MAST1: variants seen among roughly 807,000 people sequenced by gnomAD.
The protein encoded by MAST1 is microtubule-associated serine/threonine-protein kinase 1.
MAST1 carries 40 observed loss-of-function variants against 124.6 expected under a neutral mutation model. That is an observed-to-expected ratio of 0.32 (90% CI 0.25 to 0.42). MAST1 has a LOEUF of 0.42. Among genes scored for constraint, MAST1 ranks in the 10% least tolerant of loss-of-function variants. MAST1 has a pLI of 1.00. For missense variants in MAST1, 1,558 were observed against 2,181.9 expected, an observed-to-expected ratio of 0.71 and a Z score of 5.70; for synonymous variants, 938 against 939.4, an observed-to-expected ratio of 1.00 and a Z score of 0.03.
Position 12,847,448 on chromosome 19 carries a change from C to T in MAST1, c.486C>T (p.Leu162=), listed in dbSNP as rs762214981. ...CCGTGCGGCCCCGCTCACGGAGCCT[C>T]AGGTGGGCAGGCATCCCTCCTCCTT... ...SPAVRPRSRS[L]SPGRSPSSYD... is the part of the protein sequence containing the mutation. The change falls in exon 5 of 26, where the codon CTC becomes CTT. Residue 162 remains leucine (L), a splice_region_variant and synonymous_variant. Transcript: ENST00000251472. This position sits in a 1 kb window ranked among gnomAD's most constrained non-coding sequence, Gnocchi z 5.5. 1.2e-6 allele frequency: 2 copies of T among 1,613,622 alleles called. No individual in the cohort carries two copies. Among genetic ancestry groups the T allele is most frequent in the Non-Finnish European group, 1.7e-6 (2 of 1,179,886 alleles).
intron 20 of MAST1, 64 bp downstream of exon 20, chr19:12,868,041 C>A: frequency 6.8e-7 from 1 of 1,473,822 alleles, no homozygotes; most frequent in Non-Finnish European, 9.0e-7. Context: ...ATATAGTGAG[C>A]ATCCCACGAG....
rs538057608 is a variant in MAST1 at position 12,843,815 on chromosome 19, A to G, written c.327+208A>G. ...TAGGAGTTCAAGACCAGTCTGGGCA[A>G]CATAGGGAGACCCTTGTCCCTACAA... On this transcript the variant is annotated intron_variant, in intron 4 of 25. Coordinates refer to ENST00000251472, the MANE Select transcript of MAST1 (RefSeq NM_014975.3). This position sits in a 1 kb window ranked among gnomAD's most constrained non-coding sequence, Gnocchi z 4.9. Among the ~76,000 whole-genome samples the G allele has an allele frequency of 2.0e-5, 3 of 152,266 alleles. No homozygotes were observed. In the East Asian group the frequency reaches 5.8e-4, roughly 29 times the overall value.
rs1424468629 is a variant in MAST1, at chr19:12,865,952, G to T, written c.1907-28G>T. 1 of 1,613,080 alleles carries T rather than the reference G, an allele frequency of 6.2e-7. No individual in the cohort carries two copies. The highest frequency in any genetic ancestry group is 2.2e-5 in the East Asian group (1 of 44,808). On this transcript the variant is annotated intron_variant, in intron 16 of 25. Coordinates refer to ENST00000251472, the MANE Select transcript of MAST1 (RefSeq NM_014975.3). This position sits in a 1 kb window ranked among gnomAD's most constrained non-coding sequence, Gnocchi z 7.1. ...GGCTGGGCTGCTGGGTTGGCCATCA[G>T]CTGTGGCTGGAATCCCTTCCGTCCC...
At position 12,847,627 on chromosome 19, in the gene MAST1, C is replaced by T. The variant is rs1038034526; in HGVS notation, c.504C>T (p.Pro168=). The T allele has an allele frequency of 1.4e-5, 23 of 1,614,064 alleles. No homozygotes were observed. The highest frequency in any genetic ancestry group is 1.9e-5 in the Non-Finnish European group (23 of 1,180,020). ...RSRSLSPGRS[P]SSYDNEIVMM... The stretch of plus-strand genomic sequence containing the variant: ...CTCCCCGCAGCCCCGGGCGCTCCCC[C>T]TCCTCCTACGACAACGAGATCGTGA... Residue 168 remains proline (P), a synonymous_variant, in exon 6 of 26, where the codon CCC becomes CCT. Transcript: ENST00000251472. The surrounding 1 kb of genome is among the most constrained non-coding windows in gnomAD (Gnocchi z 5.5).
At chr19:12,845,519 G>C (rs1464955563) in intron 4 of MAST1, among the ~76,000 whole-genome samples, 2 of 151,734 alleles carry the variant, frequency 1.3e-5, no homozygotes, top group Non-Finnish European at 2.9e-5. Context: ...AGGAGGTGGG[G>C]GTTGCAGTGA....
chr19:12,850,899 G>T (rs1969951271), intron 7 of MAST1, among the ~76,000 whole-genome samples: 1 of 150,986 alleles, frequency 6.6e-6, no homozygotes, highest in Non-Finnish European at 1.5e-5. Context: ...TAGATTTTTG[G>T]CATTAATTTT....
Position 12,865,217 on chromosome 19 carries a change from A to C in MAST1, c.1638+39A>C. The C allele has an allele frequency of 6.2e-7, 1 of 1,601,580 alleles. No homozygotes were observed. The highest frequency in any genetic ancestry group is 8.5e-7 in the Non-Finnish European group (1 of 1,172,666). On this transcript the variant is annotated intron_variant, in intron 14 of 25. Transcript: ENST00000251472. The surrounding 1 kb of genome is among the most constrained non-coding windows in gnomAD (Gnocchi z 7.1). Reference sequence around the variant, plus strand: ...CATGGGGGTCGCTGAGGGTGGAGTGACCCTGCAGGACCTCGGGAACCCAGG... The same window carrying C: ...CATGGGGGTCGCTGAGGGTGGAGTGCCCCTGCAGGACCTCGGGAACCCAGG...
chr19:12,847,194 C>G lies in MAST1; in HGVS notation c.328-96C>G. The G allele has an allele frequency of 1.3e-6, 1 of 773,006 alleles. No homozygotes were observed. The highest frequency in any genetic ancestry group is 2.5e-5 in the East Asian group (1 of 40,660). 47.9% of individuals were successfully genotyped at this position (773,006 alleles called of 1,614,324 possible). A position where few individuals can be genotyped will look rare whatever the true frequency, so the allele number is the denominator to read the frequency against. On this transcript the variant is annotated intron_variant, in intron 4 of 25. Coordinates refer to ENST00000251472, the MANE Select transcript of MAST1 (RefSeq NM_014975.3). The surrounding 1 kb of genome is among the most constrained non-coding windows in gnomAD (Gnocchi z 5.5). Reference sequence around the variant, plus strand: ...AATCAGGTCCTGATCCTGGCCTTGCCCAGTGACCCCATCGGCTTTGGGAGT... The same window carrying G: ...AATCAGGTCCTGATCCTGGCCTTGCGCAGTGACCCCATCGGCTTTGGGAGT...
Position 12,843,553 on chromosome 19 carries a change from G to C in MAST1, c.273G>C (p.Leu91=). The part of the protein sequence containing the change: ...SRRADGRRWS[L]ASLPSSGYGT... ...GGGCGGACGGACGCCGGTGGTCTCT[G>C]GCCTCGCTCCCTTCATCTGGCTATG... The change falls in exon 4 of 26, where the codon CTG becomes CTC. Residue 91 remains leucine (L), a synonymous_variant. Coordinates refer to ENST00000251472, the MANE Select transcript of MAST1 (RefSeq NM_014975.3). The surrounding 1 kb of genome is among the most constrained non-coding windows in gnomAD (Gnocchi z 4.9). 1 of 1,613,742 alleles carries C rather than the reference G, an allele frequency of 6.2e-7. No individual in the cohort carries two copies. The highest frequency in any genetic ancestry group is 8.5e-7 in the Non-Finnish European group (1 of 1,179,902).
chr19:12,874,227 G>C lies in MAST1; in HGVS notation c.4070G>C (p.Ser1357Thr), dbSNP rs1304062013. 6.5e-7 allele frequency: 1 copy of C among 1,550,006 alleles called. No homozygotes were observed. The highest frequency in any genetic ancestry group is 1.9e-5 in the Admixed American group (1 of 52,292). Residue 1357 changes from serine to threonine, a missense_variant, in exon 26 of 26, where the codon AGC becomes ACC. Ser to Thr is a moderately conservative substitution (Grantham distance 58, BLOSUM62 1). Coordinates refer to ENST00000251472, the MANE Select transcript of MAST1 (RefSeq NM_014975.3). This position sits in a 1 kb window ranked among gnomAD's most constrained non-coding sequence, Gnocchi z 6.6. ...PEGASRPPVS[S>T]KEKESPGGAE... ...GGTGCCTCCAGGCCACCAGTGTCGAGCAAGGAGAAGGAATCCCCGGGGGGC... is the reference window on the plus strand; with the variant it reads ...GGTGCCTCCAGGCCACCAGTGTCGACCAAGGAGAAGGAATCCCCGGGGGGC...
chr19:12,851,268 C>CT lies in MAST1; in HGVS notation c.775-653dup, dbSNP rs112311166. ...CGGCCTCTTTTTCTTTTCTTTTTTT[C>CT]TTTTTTTTTTTTTGAGACAGGGTCT... On this transcript the variant is annotated intron_variant, in intron 7 of 25. Transcript: ENST00000251472. Among the ~76,000 whole-genome samples the CT allele has an allele frequency of 2.8e-3, 393 of 140,758 alleles. 2 individuals carry two copies. Among genetic ancestry groups the CT allele is most frequent in the Non-Finnish European group, 4.3e-3 (280 of 64,738 alleles). The allele number at this position is 140,758 out of a possible 152,430, so 92.3% of individuals were successfully genotyped here.
chr19:12,858,496 A>T, intron 11 of MAST1, 35 bp from the exon 12 acceptor site: 6 of 1,611,866 alleles, frequency 3.7e-6, no homozygotes, highest in Non-Finnish European at 5.1e-6. Flanking sequence ...GGTGTCTCGG[A>T]GGTGACGGCC....
Position 12,838,819 on chromosome 19 carries a change from G to A in MAST1, c.83+164G>A, listed in dbSNP as rs189970663. Among the ~76,000 whole-genome samples, 1,090 of 151,644 alleles carry A rather than the reference G, an allele frequency of 7.2e-3. 15 individuals carry two copies. Among genetic ancestry groups the A allele is most frequent in the African/African-American group, 0.025 (1,031 of 41,302 alleles). ...GGGTTGGGGTTGAATGGGGGGTGGT[G>A]TGGGCCGAGTCTGGGGGGCTTGCAC... On this transcript the variant is annotated intron_variant, in intron 1 of 25. Transcript: ENST00000251472. The surrounding 1 kb of genome is among the most constrained non-coding windows in gnomAD (Gnocchi z 4.3).
intron 4 of MAST1, among the ~76,000 whole-genome samples, chr19:12,844,714 C>A (rs1969871317): frequency 6.6e-6 from 1 of 152,074 alleles, no homozygotes; most frequent in Non-Finnish European, 1.5e-5. Flanking sequence ...TTGAAAGTAG[C>A]TTTGTGGGGC....
chr19:12,839,873 C>T (rs1222374616), intron 1 of MAST1, among the ~76,000 whole-genome samples: 1 of 152,028 alleles, frequency 6.6e-6, no homozygotes, highest in Non-Finnish European at 1.5e-5. Flanking sequence ...CTGCACACTG[C>T]ACTCCAGCCG....
At chr19:12,840,677 G>C in intron 2 of MAST1, 143 bp downstream of exon 2, 2 of 679,156 alleles carry the variant, frequency 2.9e-6, no homozygotes, top group Admixed American at 2.2e-5. Context: ...GGCCATGCTT[G>C]TGTGGGTGTG....
intron 10 of MAST1, among the ~76,000 whole-genome samples, chr19:12,858,006 CAAAAAAAAAAAAAAAAAA>C (rs539497049): frequency 0.049 from 2,426 of 49,498 alleles, 137 homozygotes; most frequent in African/African-American, 0.13. Context: ...GAACCTATCT[CAAAAAAAAAAAAAAAAAA>C]AAAAAAAAAA....
At chr19:12,840,355 C>T (rs1969810511) in intron 1 of MAST1, 91 bp from the exon 2 acceptor site, 1 of 797,246 alleles carries the variant, frequency 1.3e-6, no homozygotes, top group Non-Finnish European at 2.1e-6. Flanking sequence ...GGGAGATAGG[C>T]GGGGATCTGA....
At position 12,858,485 on chromosome 19, in the gene MAST1, G is replaced by A. The variant is rs781752014; in HGVS notation, c.1157+44G>A. ...TGGCGGGGGGAGGGTGGCGGAGGCCGGGTGTCTCGGAGGTGACGGCCGGTC... is the reference window on the plus strand; with the variant it reads ...TGGCGGGGGGAGGGTGGCGGAGGCCAGGTGTCTCGGAGGTGACGGCCGGTC... On this transcript the variant is annotated intron_variant, in intron 11 of 25. Transcript: ENST00000251472. The A allele has an allele frequency of 3.1e-6, 5 of 1,611,798 alleles. 1 individual carries two copies. Among genetic ancestry groups the A allele is most frequent in the South Asian group, 2.2e-5 (2 of 91,026 alleles).
Sources: gnomAD v4.1 joint callset for allele counts (sites outside exome capture counted in the v4.1 genomes callset) on GRCh38, gnomAD v4.1.1 for gene constraint, Gnocchi (gnomAD v3.1) non-coding constraint, MANE v1.5 for transcripts, NCBI Gene and HGNC (gene_info 2026-07-23, HGNC 2026-07-21) for gene names.